Variants in TTBK2 observed in about 807,000 individuals in gnomAD.
The protein encoded by TTBK2 is tau-tubulin kinase 2.
Under a neutral mutation model 110.8 loss-of-function variants are expected in TTBK2, and 28 were observed. The ratio of observed to expected loss-of-function variants is 0.25; its 90% CI spans 0.19 to 0.35. The LOEUF (loss-of-function observed/expected upper bound fraction) is 0.35, where lower values mean the gene tolerates loss of function less well. Among genes scored for constraint, TTBK2 ranks in the 10% least tolerant of loss-of-function variants. The probability of loss-of-function intolerance (pLI) is 1.00; values close to 1 mark genes in which losing one functional copy is unlikely to be tolerated. For missense variants in TTBK2, 1,369 were observed against 1,500.3 expected (o/e 0.91, Z 1.45); for synonymous variants, 532 against 527.3 (o/e 1.01, Z -0.12).
In TTBK2 at chr15:42,815,913, AAT is replaced by A. The variant is rs1261885538; in HGVS notation, c.603+1117_603+1118del. 4.8e-4 allele frequency among the ~76,000 whole-genome samples: 48 copies of A among 100,802 alleles called. 1 individual carries two copies. Among genetic ancestry groups the A allele is most frequent in the Admixed American group, 2.2e-3 (18 of 8,258 alleles). 66.1% of individuals were successfully genotyped at this position (100,802 alleles called of 152,430 possible). A position where few individuals can be genotyped will look rare whatever the true frequency, so the allele number is the denominator to read the frequency against. ...TTAAAAATATATATATATATTTAAA[AAT>A]ATATATATATTTAAAAATATATATA... On this transcript the variant is annotated intron_variant, in intron 7 of 14. Coordinates refer to ENST00000267890, the MANE Select transcript of TTBK2 (RefSeq NM_173500.4).
intron 10 of TTBK2, among the ~76,000 whole-genome samples, chr15:42,787,630 A>C (rs1890464770): frequency 6.6e-6 from 1 of 152,224 alleles, no homozygotes; most frequent in African/African-American, 2.4e-5. Flanking sequence ...TGGCCACTGT[A>C]ACCAAATTGT....
At chr15:42,898,503 T>A (rs1442837862) in intron 1 of TTBK2, among the ~76,000 whole-genome samples, 7 of 149,968 alleles carry the variant, frequency 4.7e-5, no homozygotes, top group Non-Finnish European at 8.9e-5. Flanking sequence ...AGAGTGAGAC[T>A]CTGTCTCAAA....
intron 1 of TTBK2, among the ~76,000 whole-genome samples, chr15:42,917,228 G>GT (rs1394431913): frequency 6.6e-6 from 1 of 150,730 alleles, no homozygotes; most frequent in Non-Finnish European, 1.5e-5. Context: ...AGAGACAAAG[G>GT]TTAAAAAAAA....
chr15:42,833,746 A>C (rs1211822022), intron 4 of TTBK2, among the ~76,000 whole-genome samples: 1 of 152,150 alleles, frequency 6.6e-6, no homozygotes, highest in African/African-American at 2.4e-5. Context: ...ATGGTGGCTC[A>C]CATCTGCAAT....
chr15:42,877,851 G>A (rs1894872917), intron 2 of TTBK2, among the ~76,000 whole-genome samples: 2 of 152,024 alleles, frequency 1.3e-5, no homozygotes, highest in Admixed American at 6.6e-5. Flanking sequence ...GATACATACT[G>A]AAGTATACAC....
At chr15:42,761,907 G>A (rs1055101776) in intron 13 of TTBK2, among the ~76,000 whole-genome samples, 44 of 152,222 alleles carry the variant, frequency 2.9e-4, no homozygotes, top group African/African-American at 9.6e-4. Context: ...ACATGTTGTG[G>A]GAGGGACCCA....
rs2140598712 is a variant in TTBK2 at position 42,752,808 on chromosome 15, T to G, written c.2438A>C (p.Glu813Ala). The change falls in exon 14 of 15, where the codon GAA (glutamate) becomes GCA (alanine). Residue 813 changes from glutamate to alanine, a missense_variant. Transcript: ENST00000267890. ...SSLPGDLVIV[E>A]KDHSATTEPL... ...TTCAGTAGTAGCTGAGTGATCCTTT[T>G]CCACAATTACCAAATCTCCTGGGAG... 6.2e-7 allele frequency: 1 copy of G among 1,614,198 alleles called. No individual in the cohort carries two copies.
At chr15:42,871,168 G>C (rs1232663274) in intron 3 of TTBK2, among the ~76,000 whole-genome samples, 1 of 152,114 alleles carries the variant, frequency 6.6e-6, no homozygotes, top group Non-Finnish European at 1.5e-5. Context: ...CTGAAATAGG[G>C]ACCAGAAGAT....
chr15:42,772,870 C>G (rs1889738660), intron 13 of TTBK2, among the ~76,000 whole-genome samples: 1 of 152,078 alleles, frequency 6.6e-6, no homozygotes, highest in Admixed American at 6.6e-5. Context: ...CACTTGAACA[C>G]AAGAATTTGA....
At chr15:42,783,674 A>G in intron 10 of TTBK2, 39 bp from the exon 11 acceptor site, 1 of 1,444,226 alleles carries the variant, frequency 6.9e-7, no homozygotes, top group African/African-American at 1.4e-5. Context: ...AGAATCAAAA[A>G]TTACTATGAG....
intron 1 of TTBK2, among the ~76,000 whole-genome samples, chr15:42,918,291 T>A (rs1274043394): frequency 6.6e-6 from 1 of 152,046 alleles, no homozygotes; most frequent in Non-Finnish European, 1.5e-5. Flanking sequence ...GGTCTCAAAC[T>A]CCTGGGCTCA....
rs1291631077 is a variant in TTBK2 at position 42,878,218 on chromosome 15, G to A, written c.69+331C>T. Among the ~76,000 whole-genome samples the A allele has an allele frequency of 6.6e-5, 10 of 150,406 alleles. No individual in the cohort carries two copies. In the East Asian group the frequency reaches 1.2e-3, roughly 18 times the overall value. ...AAGATGGTCTTGATCTCCTGACCTC[G>A]TGATCCGCCCGCCTCGGCCTCCCAA... is the stretch of plus-strand genomic sequence containing the variant. On this transcript the variant is annotated intron_variant, in intron 2 of 14. Transcript: ENST00000267890.
intron 9 of TTBK2, among the ~76,000 whole-genome samples, chr15:42,807,059 T>A (rs1891498829): frequency 6.6e-6 from 1 of 152,176 alleles, no homozygotes; most frequent in Non-Finnish European, 1.5e-5. Flanking sequence ...TCAGATGTTA[T>A]CAGAGTCAGA....
At chr15:42,822,796 G>A (rs1370005361) in intron 6 of TTBK2, among the ~76,000 whole-genome samples, 2 of 152,196 alleles carry the variant, frequency 1.3e-5, no homozygotes, top group African/African-American at 4.8e-5. Flanking sequence ...GAAAGGAGAA[G>A]ACAGAGAGAT....
At chr15:42,801,751 A>G in intron 9 of TTBK2, 1 of 824,754 alleles carries the variant, frequency 1.2e-6, no homozygotes, top group Non-Finnish European at 2.1e-6. Flanking sequence ...GAGGAAGCTG[A>G]TCTTGGCAGT....
At chr15:42,815,890 A>T (rs1325900913) in intron 7 of TTBK2, among the ~76,000 whole-genome samples, 1 of 101,358 alleles carries the variant, frequency 9.9e-6, no homozygotes, top group Non-Finnish European at 1.8e-5. Context: ...ATATATATTT[A>T]AAAATATATA....
At chr15:42,819,636 A>ATCATAG (rs1892203411) in intron 6 of TTBK2, among the ~76,000 whole-genome samples, 2 of 152,206 alleles carry the variant, frequency 1.3e-5, no homozygotes, top group African/African-American at 4.8e-5. Flanking sequence ...TTCATTGACA[A>ATCATAG]TCATAGTCAG....
At chr15:42,823,737 GATT>G (rs1892409373) in intron 6 of TTBK2, among the ~76,000 whole-genome samples, 2 of 142,708 alleles carry the variant, frequency 1.4e-5, no homozygotes, top group Non-Finnish European at 1.5e-5. Context: ...TTTTTTGTGT[GATT>G]TTTTTTTTTT....
chr15:42,906,160 C>G (rs1315143307), intron 1 of TTBK2, among the ~76,000 whole-genome samples: 1 of 152,008 alleles, frequency 6.6e-6, no homozygotes, highest in Non-Finnish European at 1.5e-5. Flanking sequence ...TGCACTTCAG[C>G]CTAGGCAACA....
Sources: gnomAD v4.1 joint callset for allele counts (sites outside exome capture counted in the v4.1 genomes callset) on GRCh38, gnomAD v4.1.1 for gene constraint, MANE v1.5 for transcripts, NCBI Gene and HGNC (gene_info 2026-07-23, HGNC 2026-07-21) for gene names.